Variants in AGBL1 observed in about 807,000 individuals in gnomAD.
AGBL1 encodes cytosolic carboxypeptidase 4.
Under a neutral mutation model 118.9 loss-of-function variants are expected in AGBL1, and 130 were observed. The observed-to-expected ratio is 1.09, with a 90% CI of 0.95 to 1.26. AGBL1 has a LOEUF of 1.26. AGBL1 is among the 50% of genes most tolerant of loss of function. AGBL1 has a pLI of 0.00. For missense variants in AGBL1, 1,584 were observed against 1,298.1 expected, an observed-to-expected ratio of 1.22 and a Z score of -3.38; for synonymous variants, 555 against 478.9, an observed-to-expected ratio of 1.16 and a Z score of -2.08.
At chr15:86,639,851 C>T (rs900654777) in intron 21 of AGBL1, among the ~76,000 whole-genome samples, 1 of 152,144 alleles carries the variant, frequency 6.6e-6, no homozygotes, top group Non-Finnish European at 1.5e-5. Flanking sequence ...CATCACATTA[C>T]GTTTTCTGGG....
intron 5 of AGBL1, among the ~76,000 whole-genome samples, chr15:86,174,792 TCA>T (rs1206046648): frequency 6.6e-6 from 1 of 152,188 alleles, no homozygotes; most frequent in East Asian, 1.9e-4. Flanking sequence ...ATATGATATG[TCA>T]CAGTTATTGA....
chr15:86,961,133 G>C (rs2080988687), intron 23 of AGBL1, among the ~76,000 whole-genome samples: 1 of 151,994 alleles, frequency 6.6e-6, no homozygotes, highest in South Asian at 2.1e-4. Context: ...TGACATAATA[G>C]ACATGTTAAT....
chr15:86,920,107 C>G (rs983412341), downstream of AGBL1, among the ~76,000 whole-genome samples: 1 of 152,124 alleles, frequency 6.6e-6, no homozygotes, highest in Non-Finnish European at 1.5e-5. Flanking sequence ...CAAGAGGCCT[C>G]GAAACTGAAA....
intron 21 of AGBL1, among the ~76,000 whole-genome samples, chr15:86,630,011 A>T (rs1235029729): frequency 1.3e-5 from 2 of 152,228 alleles, no homozygotes; most frequent in Non-Finnish European, 2.9e-5. Flanking sequence ...TTGCAGATAC[A>T]TTGCTGCCAT....
chr15:86,501,131 A>G (rs1224292013), intron 18 of AGBL1, among the ~76,000 whole-genome samples: 1 of 151,716 alleles, frequency 6.6e-6, no homozygotes, highest in African/African-American at 2.4e-5. Flanking sequence ...TTCACCAGCA[A>G]TATATATGAG....
intron 22 of AGBL1, among the ~76,000 whole-genome samples, chr15:86,828,793 A>G (rs987008285): frequency 2.6e-5 from 4 of 151,938 alleles, no homozygotes; most frequent in Non-Finnish European, 5.9e-5. Context: ...GGAATATGCC[A>G]TTAGTATCAG....
chr15:86,523,228 C>T lies in AGBL1; in HGVS notation c.2685+289C>T, dbSNP rs569316301. Among the ~76,000 whole-genome samples the T allele has an allele frequency of 2.0e-5, 3 of 152,254 alleles. No individual in the cohort carries two copies. The East Asian group carries it at 5.8e-4, about 29-fold the overall frequency. ...ACTCTGATGGCTCTAAGGAATAATC[C>T]TTCTTTGTCTGTTCCAGCTTCTGGT... On this transcript the variant is annotated intron_variant, in intron 19 of 22. Transcript: ENST00000614907.
chr15:86,570,456 C>G (rs1453020498), intron 21 of AGBL1, among the ~76,000 whole-genome samples: 3 of 152,240 alleles, frequency 2.0e-5, no homozygotes, highest in African/African-American at 7.2e-5. Flanking sequence ...ATGGGTTTTT[C>G]TTTAATCAAG....
intron 17 of AGBL1, among the ~76,000 whole-genome samples, chr15:86,313,944 C>G (rs1224013206): frequency 6.6e-6 from 1 of 152,140 alleles, no homozygotes; most frequent in Non-Finnish European, 1.5e-5. Flanking sequence ...TAATTAGAGA[C>G]AGGGTTGGAA....
chr15:86,630,950 TG>T, intron 21 of AGBL1: 1 of 160,894 alleles, frequency 6.2e-6, no homozygotes, highest in Non-Finnish European at 1.3e-5. Flanking sequence ...TGAGTGCAGG[TG>T]GGCTGAGGCC....
At chr15:86,666,741 C>T (rs1196429455) in intron 21 of AGBL1, among the ~76,000 whole-genome samples, 3 of 152,154 alleles carry the variant, frequency 2.0e-5, no homozygotes, top group African/African-American at 4.8e-5. Context: ...TATTAATTCA[C>T]TGAATTATCT....
chr15:86,271,316 C>A (rs1218881067), intron 14 of AGBL1, among the ~76,000 whole-genome samples: 1 of 151,964 alleles, frequency 6.6e-6, no homozygotes, highest in East Asian at 1.9e-4. Context: ...CTGGCCTCAG[C>A]CTCCCAAAGT....
chr15:86,537,591 C>A (rs2142233478), intron 19 of AGBL1, among the ~76,000 whole-genome samples: 1 of 152,330 alleles, frequency 6.6e-6, no homozygotes, highest in African/African-American at 2.4e-5. Flanking sequence ...AAACGCAAGA[C>A]CACTCACTTT....
In AGBL1 at chr15:86,978,180, A is replaced by G. The variant is rs2081193899; in HGVS notation, c.3222-9807A>G. 2.6e-5 allele frequency among the ~76,000 whole-genome samples: 4 copies of G among 152,164 alleles called. No homozygotes were observed. The South Asian group carries it at 8.3e-4, about 31-fold the overall frequency. On this transcript the variant is annotated intron_variant, in intron 23 of 24. Coordinates refer to the AGBL1 transcript ENST00000441037. ...TAACCTTACAAGTAAGTCAACACACACTTAGGTTGAAATTTTCATATCTGA... is the reference window on the plus strand; with the variant it reads ...TAACCTTACAAGTAAGTCAACACACGCTTAGGTTGAAATTTTCATATCTGA...
chr15:86,599,419 A>G (rs969578827), intron 21 of AGBL1, among the ~76,000 whole-genome samples: 1 of 151,970 alleles, frequency 6.6e-6, no homozygotes, highest in Admixed American at 6.6e-5. Flanking sequence ...CTCTATATTT[A>G]TGCTTTTTCT....
intron 5 of AGBL1, among the ~76,000 whole-genome samples, chr15:86,186,015 T>C (rs866066216): frequency 9.8e-5 from 15 of 152,304 alleles, no homozygotes; most frequent in African/African-American, 3.1e-4. Flanking sequence ...GTAGTTCCTA[T>C]AGGGTGGGAT....
intron 21 of AGBL1, among the ~76,000 whole-genome samples, chr15:86,603,741 G>C (rs2084532062): frequency 6.6e-6 from 1 of 152,110 alleles, no homozygotes; most frequent in South Asian, 2.1e-4. Context: ...TACTTCTACT[G>C]AAAGTGCCAA....
chr15:86,400,982 T>G (rs2081436850), intron 18 of AGBL1, among the ~76,000 whole-genome samples: 1 of 152,096 alleles, frequency 6.6e-6, no homozygotes, highest in Admixed American at 6.6e-5. Context: ...TCCCCAGTAG[T>G]GGGATTACTG....
intron 17 of AGBL1, among the ~76,000 whole-genome samples, chr15:86,332,209 C>T (rs1025114612): frequency 2.0e-5 from 3 of 152,168 alleles, no homozygotes; most frequent in Non-Finnish European, 4.4e-5. Flanking sequence ...AGCAAGAAGA[C>T]TTATCTTAAA....
Sources: gnomAD v4.1 joint callset for allele counts (sites outside exome capture counted in the v4.1 genomes callset) on GRCh38, gnomAD v4.1.1 for gene constraint, MANE v1.5 for transcripts, NCBI Gene and HGNC (gene_info 2026-07-23, HGNC 2026-07-21) for gene names.